Variants in PVT1 observed in about 807,000 individuals in gnomAD.
PVT1 encodes CXCR4/PVT1 fusion.
chr8:128,068,623 GA>G (rs11289617), intron 4 of PVT1, among the ~76,000 whole-genome samples: 15,649 of 152,202 alleles, frequency 0.1, 1,039 homozygotes, highest in East Asian at 0.22. Flanking sequence ...CAGCCCCTGA[GA>G]AGCTGGGATT....
chr8:127,883,288 T>C (rs1049719807), intron 2 of PVT1, among the ~76,000 whole-genome samples: 1 of 152,182 alleles, frequency 6.6e-6, no homozygotes, highest in African/African-American at 2.4e-5. Context: ...CTGTATACTT[T>C]AAGTCTTCAG....
At position 128,074,025 on chromosome 8, in the gene PVT1, T is replaced by C. The variant is rs553655551; in HGVS notation, n.1114+3664T>C. ...AAGCAAGTGCCATTTTCTCTTCTCT[T>C]CCCCTCTTTATCTCTGAGATCTTAA... On this transcript the variant is annotated intron_variant and non_coding_transcript_variant, in intron 5 of 10. Coordinates refer to ENST00000651587, the Ensembl canonical transcript of PVT1. Among the ~76,000 whole-genome samples, 14 of 152,234 alleles carry C rather than the reference T, an allele frequency of 9.2e-5. No homozygotes were observed. The South Asian group carries it at 2.5e-3, about 27-fold the overall frequency.
At chr8:127,797,766 G>A (rs985243994) in intron 2 of PVT1, among the ~76,000 whole-genome samples, 1 of 152,104 alleles carries the variant, frequency 6.6e-6, no homozygotes, top group African/African-American at 2.4e-5. Flanking sequence ...GTCTAGCAAT[G>A]GTAGACTTCT....
At chr8:127,947,323 G>A (rs796584635) in intron 3 of PVT1, 30 of 228,430 alleles carry the variant, frequency 1.3e-4, no homozygotes, top group African/African-American at 6.0e-4. Context: ...GATGGTAAAT[G>A]GAGTTGATGG....
At chr8:127,902,180 A>G (rs1184314773) in intron 3 of PVT1, among the ~76,000 whole-genome samples, 1 of 152,152 alleles carries the variant, frequency 6.6e-6, no homozygotes, top group Non-Finnish European at 1.5e-5. Context: ...TTTGCCAGAG[A>G]CTTTCCTGGT....
At chr8:127,835,948 C>G (rs772436706) in intron 2 of PVT1, among the ~76,000 whole-genome samples, 2 of 152,176 alleles carry the variant, frequency 1.3e-5, no homozygotes, top group African/African-American at 4.8e-5. Flanking sequence ...TTGATCAGTT[C>G]CCTGACACCC....
intron 2 of PVT1, among the ~76,000 whole-genome samples, chr8:127,882,487 C>CT (rs535638165): frequency 0.02 from 2,896 of 145,166 alleles, 36 homozygotes; most frequent in Middle Eastern, 0.039. Flanking sequence ...TTGAAGAAAT[C>CT]TTTTTTTTTT....
chr8:128,002,972 C>CCT (rs1303446679), intron 4 of PVT1, among the ~76,000 whole-genome samples: 7 of 96,000 alleles, frequency 7.3e-5, no homozygotes, highest in Middle Eastern at 0.01. Context: ...CCTCCCTCTT[C>CCT]CTTCCTTCCT....
chr8:128,055,877 C>T (rs1813756657), intron 4 of PVT1, among the ~76,000 whole-genome samples: 1 of 152,156 alleles, frequency 6.6e-6, no homozygotes, highest in South Asian at 2.1e-4. Context: ...TCATTTCCAT[C>T]ACCTTCCCCT....
At chr8:127,947,489 C>T (rs1816436223) in intron 3 of PVT1, 1 of 344,298 alleles carries the variant, frequency 2.9e-6, no homozygotes, top group Non-Finnish European at 5.7e-6. Flanking sequence ...CTCCTCTGCC[C>T]ATCCCAATGC....
intron 4 of PVT1, among the ~76,000 whole-genome samples, chr8:128,043,803 CAT>C (rs1491030053): frequency 6.3e-5 from 9 of 142,428 alleles, no homozygotes; most frequent in South Asian, 2.2e-4. Context: ...CACACACACA[CAT>C]ACACAAGGAG....
At chr8:128,000,854 C>T (rs1015964653) in intron 4 of PVT1, among the ~76,000 whole-genome samples, 1 of 152,332 alleles carries the variant, frequency 6.6e-6, no homozygotes, top group South Asian at 2.1e-4. Flanking sequence ...CTGATCATTC[C>T]ACCAGCAGAT....
chr8:127,969,867 A>G (rs995167330), intron 3 of PVT1, among the ~76,000 whole-genome samples: 2 of 152,192 alleles, frequency 1.3e-5, no homozygotes, highest in Non-Finnish European at 2.9e-5. Context: ...AGAGGCCACT[A>G]TTGGCCCAGG....
At chr8:127,982,648 A>AAAAT (rs1554601771) in intron 3 of PVT1, among the ~76,000 whole-genome samples, 1 of 134,332 alleles carries the variant, frequency 7.4e-6, no homozygotes, top group Non-Finnish European at 1.6e-5. Flanking sequence ...TGCCTCTACA[A>AAAAT]AAATAATTAA....
At chr8:127,881,984 C>T (rs1815472868) in intron 2 of PVT1, among the ~76,000 whole-genome samples, 1 of 152,190 alleles carries the variant, frequency 6.6e-6, no homozygotes, top group East Asian at 1.9e-4. Flanking sequence ...AAGTGATCTG[C>T]CCGCCTCCAC....
At chr8:127,904,361 T>TACCAGGAGAGAGGATGCATGTTGGC (rs1169470447) in intron 3 of PVT1, among the ~76,000 whole-genome samples, 2 of 152,202 alleles carry the variant, frequency 1.3e-5, no homozygotes, top group Non-Finnish European at 1.5e-5. Context: ...TGCAGGTTGG[T>TACCAGGAGAGAGGATGCATGTTGGC]ACCAATGCTG....
intron 5 of PVT1, among the ~76,000 whole-genome samples, chr8:128,070,638 A>C (rs530225514): frequency 6.6e-6 from 1 of 152,278 alleles, no homozygotes; most frequent in East Asian, 1.9e-4. Flanking sequence ...TCAGGCAGGA[A>C]AAAAGGGGCC....
intron 4 of PVT1, among the ~76,000 whole-genome samples, chr8:128,005,916 A>G (rs890828127): frequency 1.3e-5 from 2 of 152,030 alleles, no homozygotes; most frequent in Admixed American, 1.3e-4. Context: ...CCAAGCAGCC[A>G]ACAAGGTGAA....
intron 5 of PVT1, among the ~76,000 whole-genome samples, chr8:128,084,984 A>C (rs921725219): frequency 2.6e-5 from 4 of 152,182 alleles, no homozygotes; most frequent in Admixed American, 2.0e-4. Context: ...CGAGGTTCCC[A>C]TCTGTGGTGG....
Sources: allele counts gnomAD v4.1 joint callset (sites outside exome capture counted in the v4.1 genomes callset), GRCh38; gene constraint gnomAD v4.1.1; transcripts MANE v1.5; gene names NCBI Gene and HGNC (gene_info 2026-07-23, HGNC 2026-07-21).